The following NAV3 variants were observed in gnomAD, a reference collection of about 807,000 sequenced individuals.
The protein encoded by NAV3 is pore membrane and/or filament interacting like protein 1.
In NAV3, 87 loss-of-function variants were observed where a neutral mutation model predicts 244.7. The ratio of observed to expected loss-of-function variants is 0.36; its 90% CI spans 0.30 to 0.42. NAV3 has a LOEUF of 0.42. Ranked by LOEUF, NAV3 falls within the 20% of genes least tolerant of loss-of-function variation. The pLI, the probability that NAV3 is intolerant of heterozygous loss-of-function variation, is 1.00. For synonymous variants in NAV3, 1,126 were observed against 1,042.2 expected (o/e 1.08, Z -1.55); for missense variants, 2,663 against 2,893.3 (o/e 0.92, Z 1.83).
intron 2 of NAV3, among the ~76,000 whole-genome samples, chr12:77,813,964 A>G (rs1488331718): frequency 6.6e-6 from 1 of 152,136 alleles, no homozygotes; most frequent in African/African-American, 2.4e-5. Context: ...AAACTGATAC[A>G]CAGAGTAGTG....
At chr12:77,615,531 C>T (rs1871114196) in intron 2 of NAV3, among the ~76,000 whole-genome samples, 1 of 152,146 alleles carries the variant, frequency 6.6e-6, no homozygotes, top group Non-Finnish European at 1.5e-5. Context: ...CATCCTTGCT[C>T]CTGTAGGGGG....
At chr12:77,785,468 G>A (rs1464369) in intron 2 of NAV3, among the ~76,000 whole-genome samples, 60,104 of 151,942 alleles carry the variant, frequency 0.4, 12,295 homozygotes, top group East Asian at 0.49. Flanking sequence ...AGGCATTAAG[G>A]TGAAGAAGTA....
At chr12:78,045,744 A>G (rs903341343) in intron 9 of NAV3, among the ~76,000 whole-genome samples, 66 of 152,302 alleles carry the variant, frequency 4.3e-4, no homozygotes, top group African/African-American at 1.5e-3. Flanking sequence ...TGCTGGCCTC[A>G]TAAAATGAGT....
At chr12:78,168,709 T>A in intron 23 of NAV3, 46 bp from the exon 24 acceptor site, 1 of 1,295,996 alleles carries the variant, frequency 7.7e-7, no homozygotes, top group African/African-American at 1.5e-5. Flanking sequence ...GGAGATTTTA[T>A]TTTTCTTTCG....
At chr12:78,167,680 C>G (rs115616009) in intron 23 of NAV3, among the ~76,000 whole-genome samples, 8 of 151,424 alleles carry the variant, frequency 5.3e-5, no homozygotes, top group Admixed American at 5.3e-4. Context: ...AACCGAGGCC[C>G]GATTCTTTGG....
chr12:77,865,295 A>C (rs2136379416), intron 1 of NAV3, among the ~76,000 whole-genome samples: 1 of 152,200 alleles, frequency 6.6e-6, no homozygotes, highest in African/African-American at 2.4e-5. Flanking sequence ...GATATGTGAA[A>C]GGTTTCTATT....
At chr12:77,623,750 T>C (rs1446089432) in intron 2 of NAV3, among the ~76,000 whole-genome samples, 1 of 152,172 alleles carries the variant, frequency 6.6e-6, no homozygotes, top group Admixed American at 6.5e-5. Flanking sequence ...CTTATCAGTA[T>C]GATAAAGACG....
At chr12:78,116,544 C>T (rs1044349256) in intron 12 of NAV3, among the ~76,000 whole-genome samples, 3 of 152,152 alleles carry the variant, frequency 2.0e-5, no homozygotes, top group Admixed American at 1.3e-4. Flanking sequence ...TGAACCTGGA[C>T]ACTGCTCTAG....
intron 2 of NAV3, among the ~76,000 whole-genome samples, chr12:77,657,921 A>G (rs1873202323): frequency 6.6e-6 from 1 of 152,218 alleles, no homozygotes; most frequent in Admixed American, 6.5e-5. Context: ...TTCATGCTAA[A>G]AACTCTCAAT....
intron 11 of NAV3, among the ~76,000 whole-genome samples, chr12:78,051,993 G>A (rs1319250019): frequency 6.6e-6 from 1 of 152,102 alleles, no homozygotes; most frequent in Non-Finnish European, 1.5e-5. Context: ...CTAGGGAAAC[G>A]GCAGACCTGC....
chr12:77,985,304 A>C (rs1430531042), intron 5 of NAV3, among the ~76,000 whole-genome samples: 1 of 152,186 alleles, frequency 6.6e-6, no homozygotes, highest in Non-Finnish European at 1.5e-5. Flanking sequence ...AATTGCATAA[A>C]TCAATCTTCA....
At chr12:77,694,581 C>G (rs1011630791) in intron 2 of NAV3, among the ~76,000 whole-genome samples, 1 of 151,164 alleles carries the variant, frequency 6.6e-6, no homozygotes, top group African/African-American at 2.4e-5. Context: ...TAACAGATGA[C>G]AGCCTACTAC....
rs768567265 is a variant in NAV3, at chr12:78,205,008, C to A, written c.6908C>A (p.Thr2303Asn). Residue 2303 changes from threonine (T) to asparagine (N), a missense_variant, in exon 39 of 40, where the codon ACT (threonine) becomes AAT (asparagine). This residue lies in a region of NAV3 where 543 missense variants were observed against 672.4 expected (regional missense o/e 0.81). Coordinates refer to ENST00000397909, the MANE Select transcript of NAV3 (RefSeq NM_001024383.2). ...GACACATATCCATGGAGCTCAGCAACTCTGCCTCAGGAGAGCCCAGCCTTA... is the reference window on the plus strand; with the variant it reads ...GACACATATCCATGGAGCTCAGCAAATCTGCCTCAGGAGAGCCCAGCCTTA... ...VLDTYPWSSA[T>N]LPQESPALLQ... 5 of 1,613,620 alleles carry A rather than the reference C, an allele frequency of 3.1e-6. No individual in the cohort carries two copies. In the South Asian group the frequency reaches 5.5e-5, roughly 18 times the overall value.
intron 1 of NAV3, among the ~76,000 whole-genome samples, chr12:77,865,139 G>A (rs1051303505): frequency 6.6e-6 from 1 of 151,982 alleles, no homozygotes; most frequent in Non-Finnish European, 1.5e-5. Context: ...GGAATCTAAG[G>A]TATGTTTATT....
intron 5 of NAV3, among the ~76,000 whole-genome samples, chr12:77,971,355 G>A (rs765125773): frequency 6.6e-6 from 1 of 152,016 alleles, no homozygotes; most frequent in African/African-American, 2.4e-5. Flanking sequence ...TTTAATAAAA[G>A]TAGTATTCAG....
chr12:77,633,910 T>G (rs1202428626), intron 2 of NAV3, among the ~76,000 whole-genome samples: 2 of 152,208 alleles, frequency 1.3e-5, no homozygotes, highest in East Asian at 3.8e-4. Flanking sequence ...TTCTCCAATG[T>G]TAGAATATAA....
chr12:78,143,872 C>A (rs1281719190), intron 20 of NAV3, among the ~76,000 whole-genome samples: 1 of 152,152 alleles, frequency 6.6e-6, no homozygotes, highest in African/African-American at 2.4e-5. Flanking sequence ...GAAGCCACAG[C>A]CTCCACCAAT....
chr12:78,041,854 A>G (rs1160205579), intron 9 of NAV3, among the ~76,000 whole-genome samples: 1 of 152,216 alleles, frequency 6.6e-6, no homozygotes, highest in Non-Finnish European at 1.5e-5. Context: ...CCTAAAACAG[A>G]TTATAGATAC....
At chr12:77,964,065 T>C (rs916599060) in intron 3 of NAV3, among the ~76,000 whole-genome samples, 2 of 149,248 alleles carry the variant, frequency 1.3e-5, no homozygotes, top group Non-Finnish European at 3.0e-5. Context: ...TCTTTCCTTA[T>C]CCTTCTCCTT....
Sources: allele counts gnomAD v4.1 joint callset (sites outside exome capture counted in the v4.1 genomes callset), GRCh38; gene constraint gnomAD v4.1.1; regional missense constraint gnomAD v4.1.1; transcripts MANE v1.5; gene names NCBI Gene and HGNC (gene_info 2026-07-23, HGNC 2026-07-21).